NEBL: variants seen among roughly 807,000 people sequenced by gnomAD.
The protein encoded by NEBL is LIM and SH3 protein 2.
A neutral mutation model predicts 140.2 loss-of-function variants in NEBL; 122 were observed. That is an observed-to-expected ratio of 0.87 (90% CI 0.75 to 1.01). The LOEUF is 1.01. Ranked by LOEUF, NEBL falls within the 50% of genes least tolerant of loss-of-function variation. The pLI, the probability that NEBL is intolerant of heterozygous loss-of-function variation, is 0.00. For missense variants in NEBL, 1,365 were observed against 1,231.3 expected, an observed-to-expected ratio of 1.11 and a Z score of -1.62; for synonymous variants, 436 against 398.9, an observed-to-expected ratio of 1.09 and a Z score of -1.11.
intron 2 of NEBL, among the ~76,000 whole-genome samples, chr10:21,051,081 T>C (rs187895945): frequency 1.2e-4 from 18 of 152,068 alleles, no homozygotes; most frequent in African/African-American, 3.9e-4. Context: ...CCAGCCAGGA[T>C]GAAAAAAGAA....
At chr10:20,987,414 T>C (rs560314245) in intron 3 of NEBL, among the ~76,000 whole-genome samples, 3 of 152,104 alleles carry the variant, frequency 2.0e-5, no homozygotes, top group Non-Finnish European at 2.9e-5. Context: ...TCCAGCCACA[T>C]CTCTTCATCT....
At chr10:21,049,650 C>A (rs1338806119) in intron 2 of NEBL, among the ~76,000 whole-genome samples, 2 of 152,076 alleles carry the variant, frequency 1.3e-5, no homozygotes, top group Non-Finnish European at 2.9e-5. Context: ...TCAAATTAAA[C>A]CAACCGCCCA....
intron 26 of NEBL, among the ~76,000 whole-genome samples, chr10:20,790,230 A>AC (rs1835834457): frequency 6.6e-6 from 1 of 152,012 alleles, no homozygotes; most frequent in Non-Finnish European, 1.5e-5. Context: ...TTAGTTATTA[A>AC]AAAGTTTCTT....
intron 7 of NEBL, among the ~76,000 whole-genome samples, chr10:20,866,835 T>G (rs999900989): frequency 6.6e-6 from 1 of 152,206 alleles, no homozygotes; most frequent in African/African-American, 2.4e-5. Flanking sequence ...CACCTGTTGA[T>G]TGGCCATTTA....
chr10:21,276,238 C>CTGGGAT (rs1842923916), intron 1 of NEBL, among the ~76,000 whole-genome samples: 2 of 152,000 alleles, frequency 1.3e-5, no homozygotes, highest in Non-Finnish European at 2.9e-5. Flanking sequence ...TCCCAAAGAG[C>CTGGGAT]TGGGATTACA....
intron 3 of NEBL, among the ~76,000 whole-genome samples, chr10:20,974,791 T>C (rs777145808): frequency 7.4e-4 from 113 of 152,122 alleles, no homozygotes; most frequent in Non-Finnish European, 1.5e-3. Flanking sequence ...AAGCACCAAC[T>C]TAGAAAAGTG....
At position 20,897,309 on chromosome 10, in the gene NEBL, A is replaced by T; in HGVS notation, c.-104T>A. ...CTGACGTCTCTGGTGCTCTGGCAGA[A>T]ATGCCCTTGCCCAAGCCTCAGCCCT... is the stretch of plus-strand genomic sequence containing the variant. On this transcript the variant is annotated 5_prime_UTR_variant, in exon 1 of 28. Transcript: ENST00000377122. 6.6e-7 allele frequency: 1 copy of T among 1,506,480 alleles called. No homozygotes were observed. Among genetic ancestry groups the T allele is most frequent in the Admixed American group, 2.2e-5 (1 of 44,834 alleles). The allele number at this position is 1,506,480 out of a possible 1,614,324, so 93.3% of individuals were successfully genotyped here.
intron 4 of NEBL, among the ~76,000 whole-genome samples, chr10:20,925,128 A>G (rs187946888): frequency 6.6e-6 from 1 of 152,334 alleles, no homozygotes; most frequent in African/African-American, 2.4e-5. Flanking sequence ...CCTTTTGTAG[A>G]GACAAAGTCA....
chr10:21,107,078 T>G (rs2132007100), intron 2 of NEBL, among the ~76,000 whole-genome samples: 1 of 152,286 alleles, frequency 6.6e-6, no homozygotes, highest in East Asian at 1.9e-4. Flanking sequence ...TAAGGAGATT[T>G]TGGGCTGAGA....
chr10:21,128,377 G>C (rs1056377821), intron 2 of NEBL, among the ~76,000 whole-genome samples: 9 of 152,046 alleles, frequency 5.9e-5, no homozygotes, highest in African/African-American at 2.2e-4. Flanking sequence ...AAGGAGAAGA[G>C]GCTCTCCAGA....
chr10:21,183,070 T>C (rs1841410854), intron 3 of NEBL, among the ~76,000 whole-genome samples: 1 of 152,120 alleles, frequency 6.6e-6, no homozygotes, highest in Non-Finnish European at 1.5e-5. Flanking sequence ...TGCATCTGCT[T>C]ACTCTGAAGG....
intron 13 of NEBL, among the ~76,000 whole-genome samples, chr10:20,838,472 G>C (rs374963694): frequency 6.6e-6 from 1 of 152,154 alleles, no homozygotes; most frequent in African/African-American, 2.4e-5. Flanking sequence ...AGCAAAGAAT[G>C]TGGTTTCTGA....
intron 4 of NEBL, among the ~76,000 whole-genome samples, chr10:20,955,809 G>C (rs1439827201): frequency 1.3e-5 from 2 of 151,810 alleles, no homozygotes; most frequent in African/African-American, 4.8e-5. Context: ...CAAGATAATG[G>C]CCTGAACACA....
chr10:20,815,342 A>G (rs888852825), intron 22 of NEBL, among the ~76,000 whole-genome samples: 2 of 152,212 alleles, frequency 1.3e-5, no homozygotes, highest in Non-Finnish European at 2.9e-5. Flanking sequence ...ACCTTCAAAG[A>G]CACGGCTAAC....
At chr10:21,228,429 C>T (rs1346402313) in intron 3 of NEBL, among the ~76,000 whole-genome samples, 2 of 152,180 alleles carry the variant, frequency 1.3e-5, no homozygotes, top group Non-Finnish European at 2.9e-5. Context: ...GCTACGATTA[C>T]AGGCATGAGC....
chr10:20,924,349 C>T (rs756527071), intron 4 of NEBL, among the ~76,000 whole-genome samples: 16 of 140,068 alleles, frequency 1.1e-4, no homozygotes, highest in African/African-American at 2.6e-4. Flanking sequence ...TTTGTATCCA[C>T]ACCTTAAGTT....
At chr10:21,079,237 G>C (rs1487776779) in intron 2 of NEBL, among the ~76,000 whole-genome samples, 1 of 152,122 alleles carries the variant, frequency 6.6e-6, no homozygotes, top group Non-Finnish European at 1.5e-5. Flanking sequence ...GGGGATAACA[G>C]GGCAAGACCA....
At chr10:21,024,057 G>T (rs1293120687) in intron 2 of NEBL, among the ~76,000 whole-genome samples, 1 of 146,252 alleles carries the variant, frequency 6.8e-6, no homozygotes, top group Non-Finnish European at 1.5e-5. Flanking sequence ...TGGAAAAAGT[G>T]TTACTCTGGG....
intron 2 of NEBL, among the ~76,000 whole-genome samples, chr10:21,128,308 T>TA (rs1838934253): frequency 6.6e-6 from 1 of 152,210 alleles, no homozygotes; most frequent in African/African-American, 2.4e-5. Context: ...AATAATCTTA[T>TA]AGATTACAGT....
Sources: gnomAD v4.1 joint callset for allele counts (sites outside exome capture counted in the v4.1 genomes callset) on GRCh38, gnomAD v4.1.1 for gene constraint, MANE v1.5 for transcripts, NCBI Gene and HGNC (gene_info 2026-07-23, HGNC 2026-07-21) for gene names.